The following GRM7 variants were observed in gnomAD, a reference collection of about 807,000 sequenced individuals.
The protein encoded by GRM7 is glutamate metabotropic receptor 7.
Under a neutral mutation model 84.5 loss-of-function variants are expected in GRM7, and 35 were observed. The ratio of observed to expected loss-of-function variants is 0.41; its 90% CI spans 0.32 to 0.55. The LOEUF (loss-of-function observed/expected upper bound fraction) is 0.55, where lower values mean the gene tolerates loss of function less well. GRM7 is among the 20% of genes least tolerant of loss of function. The pLI is 0.19. For missense variants in GRM7, 1,003 were observed against 1,194.6 expected (o/e 0.84, Z 2.36); for synonymous variants, 487 against 455.1 (o/e 1.07, Z -0.89).
intron 2 of GRM7, among the ~76,000 whole-genome samples, chr3:7,199,203 CT>C (rs1448303945): frequency 1.8e-4 from 27 of 152,322 alleles, no homozygotes; most frequent in Middle Eastern, 3.4e-3. Context: ...CTGGTAGCCT[CT>C]GCTTTCTCTC....
In GRM7 at chr3:7,253,170, C is replaced by A. The variant is rs192369903; in HGVS notation, c.737-45514C>A. Among the ~76,000 whole-genome samples, 25 of 152,182 alleles carry A rather than the reference C, an allele frequency of 1.6e-4. No individual in the cohort carries two copies. The South Asian group carries it at 3.1e-3, about 19-fold the overall frequency. On this transcript the variant is annotated intron_variant, in intron 2 of 9. Coordinates refer to ENST00000357716, the MANE Select transcript of GRM7 (RefSeq NM_000844.4). ...CTCCAGCACTCTCTATTTTAAAATA[C>A]CAACTTTGTTCATTTACATCAACCC... is the stretch of plus-strand genomic sequence containing the variant.
At chr3:7,205,849 T>C (rs1696219832) in intron 2 of GRM7, among the ~76,000 whole-genome samples, 1 of 152,230 alleles carries the variant, frequency 6.6e-6, no homozygotes, top group African/African-American at 2.4e-5. Flanking sequence ...GGAAGACCCC[T>C]TTGAACCATC....
intron 2 of GRM7, among the ~76,000 whole-genome samples, chr3:7,276,191 TTATATA>T (rs58218001): frequency 0.04 from 5,168 of 130,258 alleles, 126 homozygotes; most frequent in South Asian, 0.061. Context: ...ATTTTTTAAA[TTATATA>T]TATATATATA....
chr3:7,298,372 C>G (rs968122270), intron 2 of GRM7, among the ~76,000 whole-genome samples: 1 of 152,168 alleles, frequency 6.6e-6, no homozygotes, highest in Non-Finnish European at 1.5e-5. Context: ...TAAAAACCTT[C>G]TTCAACCCAG....
At chr3:7,475,908 G>T (rs1698903151) in intron 7 of GRM7, among the ~76,000 whole-genome samples, 1 of 152,164 alleles carries the variant, frequency 6.6e-6, no homozygotes, top group Non-Finnish European at 1.5e-5. Context: ...TATGGGGCTG[G>T]TAGGATTATT....
chr3:7,607,090 T>C (rs1696613763), intron 8 of GRM7: 11 of 152,226 alleles, frequency 7.2e-5, no homozygotes, highest in Admixed American at 7.2e-4. Flanking sequence ...TGAGTTTTAC[T>C]TTCCAAGTTG....
At chr3:7,227,202 T>C (rs943652146) in intron 2 of GRM7, among the ~76,000 whole-genome samples, 1 of 152,244 alleles carries the variant, frequency 6.6e-6, no homozygotes, top group African/African-American at 2.4e-5. Flanking sequence ...AATTTCTTTT[T>C]GGATTACCAT....
chr3:7,181,045 C>T (rs1188434841), intron 2 of GRM7, among the ~76,000 whole-genome samples: 1 of 152,106 alleles, frequency 6.6e-6, no homozygotes. Flanking sequence ...GAGATTATTT[C>T]CCTCTCTGCT....
At chr3:6,925,660 C>G (rs1034471765) in intron 1 of GRM7, among the ~76,000 whole-genome samples, 13 of 152,128 alleles carry the variant, frequency 8.5e-5, no homozygotes, top group African/African-American at 3.1e-4. Flanking sequence ...ATTTTGAGAG[C>G]TCTTGTGATC....
intron 4 of GRM7, among the ~76,000 whole-genome samples, chr3:7,326,833 C>CA (rs369799542): frequency 0.12 from 13,439 of 109,702 alleles, 747 homozygotes; most frequent in Non-Finnish European, 0.17. Context: ...AACTCCGTCT[C>CA]AAAAAAAAAA....
intron 1 of GRM7, chr3:6,894,077 C>G (rs1245902916): frequency 6.6e-6 from 1 of 152,108 alleles, no homozygotes. Flanking sequence ...TTCAAAAGTT[C>G]AACCACTATA....
chr3:7,171,228 A>C (rs11919390), intron 2 of GRM7, among the ~76,000 whole-genome samples: 111,485 of 151,946 alleles, frequency 0.73, 41,014 homozygotes, highest in East Asian at 0.87. Flanking sequence ...TTGTAGATGG[A>C]CTTCTTCTCC....
chr3:7,085,328 C>T (rs781418888), intron 1 of GRM7, among the ~76,000 whole-genome samples: 28 of 152,126 alleles, frequency 1.8e-4, no homozygotes, highest in Non-Finnish European at 3.7e-4. Flanking sequence ...AAATATAATA[C>T]ATCTTTCTAT....
chr3:7,498,511 G>T (rs1451643590), intron 7 of GRM7, among the ~76,000 whole-genome samples: 1 of 152,174 alleles, frequency 6.6e-6, no homozygotes, highest in Non-Finnish European at 1.5e-5. Flanking sequence ...AATTAGGAGT[G>T]TGAGCTCTGA....
At chr3:6,933,172 G>C (rs1333449455) in intron 1 of GRM7, among the ~76,000 whole-genome samples, 1 of 152,128 alleles carries the variant, frequency 6.6e-6, no homozygotes, top group Non-Finnish European at 1.5e-5. Flanking sequence ...AATACAGGAA[G>C]GAAGGCTGAA....
At position 7,298,726 on chromosome 3, in the gene GRM7, G is replaced by A. The variant is rs372059810; in HGVS notation, c.779G>A (p.Arg260His). The change falls in exon 3 of 10, where the codon CGC (arginine) becomes CAC (histidine). Residue 260 changes from arginine to histidine, a missense_variant. Coordinates refer to ENST00000357716, the MANE Select transcript of GRM7 (RefSeq NM_000844.4). ...IAQSVRIPQE[R>H]KDRTIDFDRI... ...CAGTCCGTGAGAATCCCCCAGGAACGCAAAGACAGGACCATTGACTTTGAT... is the reference window on the plus strand; with the variant it reads ...CAGTCCGTGAGAATCCCCCAGGAACACAAAGACAGGACCATTGACTTTGAT... 2.0e-5 allele frequency: 32 copies of A among 1,612,826 alleles called. No individual in the cohort carries two copies. Among genetic ancestry groups the A allele is most frequent in the Middle Eastern group, 3.3e-4 (2 of 6,080 alleles).
intron 7 of GRM7, among the ~76,000 whole-genome samples, chr3:7,507,415 A>G (rs1388383366): frequency 1.3e-5 from 2 of 152,226 alleles, no homozygotes; most frequent in African/African-American, 2.4e-5. Context: ...CCTGAGAAGG[A>G]AAGAAGCTAT....
chr3:7,355,701 A>C (rs890497282), intron 4 of GRM7, among the ~76,000 whole-genome samples: 11 of 152,054 alleles, frequency 7.2e-5, no homozygotes, highest in African/African-American at 2.7e-4. Context: ...ATGAAGTTGG[A>C]TGTGTACAGC....
chr3:7,443,462 T>C (rs1357614159), intron 5 of GRM7, among the ~76,000 whole-genome samples: 1 of 152,152 alleles, frequency 6.6e-6, no homozygotes, highest in Non-Finnish European at 1.5e-5. Context: ...ACATTGCACA[T>C]CCCACCTTTA....
Sources: gnomAD v4.1 joint callset for allele counts (sites outside exome capture counted in the v4.1 genomes callset) on GRCh38, gnomAD v4.1.1 for gene constraint, MANE v1.5 for transcripts, NCBI Gene and HGNC (gene_info 2026-07-23, HGNC 2026-07-21) for gene names.